HS3ST4: variants seen among roughly 807,000 people sequenced by gnomAD.
The protein encoded by HS3ST4 is heparan sulfate glucosamine 3-O-sulfotransferase 4.
A neutral mutation model predicts 29.2 loss-of-function variants in HS3ST4; 17 were observed. The observed-to-expected ratio is 0.58, with a 90% confidence interval of 0.40 to 0.87. The LOEUF (loss-of-function observed/expected upper bound fraction) is 0.87. HS3ST4 is among the 40% of genes least tolerant of loss of function. The pLI is 0.00. For synonymous variants in HS3ST4, 314 were observed against 285.7 expected (o/e 1.10, Z -1.00); for missense variants, 627 against 634.5 (o/e 0.99, Z 0.13).
chr16:25,877,614 G>C (rs1967846096), intron 1 of HS3ST4, among the ~76,000 whole-genome samples: 1 of 152,152 alleles, frequency 6.6e-6, no homozygotes, highest in African/African-American at 2.4e-5. Context: ...AAATGGCAAG[G>C]GAGGATTCTT....
At chr16:25,877,169 C>T (rs1008897984) in intron 1 of HS3ST4, among the ~76,000 whole-genome samples, 3 of 152,068 alleles carry the variant, frequency 2.0e-5, no homozygotes, top group African/African-American at 7.2e-5. Flanking sequence ...TAACATGGCT[C>T]CTCCTACTCA....
intron 1 of HS3ST4, among the ~76,000 whole-genome samples, chr16:25,828,829 A>G (rs1967264123): frequency 6.6e-6 from 1 of 152,204 alleles, no homozygotes; most frequent in Non-Finnish European, 1.5e-5. Flanking sequence ...CTTTTTTACT[A>G]GTCAGTTTTG....
At chr16:25,918,318 A>G (rs1968313121) in intron 1 of HS3ST4, among the ~76,000 whole-genome samples, 1 of 152,218 alleles carries the variant, frequency 6.6e-6, no homozygotes, top group African/African-American at 2.4e-5. Context: ...ATTATAAAGC[A>G]GATGACATTC....
intron 1 of HS3ST4, among the ~76,000 whole-genome samples, chr16:26,036,496 T>C (rs1337346513): frequency 6.6e-6 from 1 of 152,206 alleles, no homozygotes; most frequent in Non-Finnish European, 1.5e-5. Flanking sequence ...TCCTGGTGTT[T>C]TTCTCACCCA....
intron 1 of HS3ST4, among the ~76,000 whole-genome samples, chr16:25,944,817 T>C (rs1232087455): frequency 2.0e-5 from 3 of 152,172 alleles, no homozygotes; most frequent in Non-Finnish European, 2.9e-5. Flanking sequence ...CAGTCATCAA[T>C]AAAAGCCCCC....
At chr16:25,878,696 A>G (rs1268829328) in intron 1 of HS3ST4, among the ~76,000 whole-genome samples, 2 of 152,146 alleles carry the variant, frequency 1.3e-5, no homozygotes, top group Non-Finnish European at 2.9e-5. Flanking sequence ...ATTTCATGTT[A>G]TGTAATTCAG....
At chr16:25,765,324 C>T (rs1180573278) in intron 1 of HS3ST4, among the ~76,000 whole-genome samples, 1 of 152,166 alleles carries the variant, frequency 6.6e-6, no homozygotes, top group Non-Finnish European at 1.5e-5. Context: ...GGAGACGCCG[C>T]TGGGAAGCCA....
At chr16:25,715,180 G>C (rs1338151647) in intron 1 of HS3ST4, among the ~76,000 whole-genome samples, 1 of 151,804 alleles carries the variant, frequency 6.6e-6, no homozygotes, top group Non-Finnish European at 1.5e-5. Flanking sequence ...AAATTAGCCG[G>C]GCGCGGTGGC....
At chr16:25,782,097 C>T (rs1040333327) in intron 1 of HS3ST4, among the ~76,000 whole-genome samples, 2 of 152,138 alleles carry the variant, frequency 1.3e-5, no homozygotes, top group African/African-American at 4.8e-5. Context: ...ACACCTTCTT[C>T]ACAAGGCGGC....
At chr16:26,048,672 A>C (rs1483287963) in intron 1 of HS3ST4, among the ~76,000 whole-genome samples, 1 of 152,062 alleles carries the variant, frequency 6.6e-6, no homozygotes, top group Admixed American at 6.5e-5. Flanking sequence ...TATTAAAAAT[A>C]ATAATAAAAA....
At chr16:26,038,829 A>T (rs543100770) in intron 1 of HS3ST4, among the ~76,000 whole-genome samples, 6 of 152,170 alleles carry the variant, frequency 3.9e-5, no homozygotes, top group African/African-American at 2.4e-5. Context: ...GACTACAGTC[A>T]TCTGCCACCA....
intron 1 of HS3ST4, among the ~76,000 whole-genome samples, chr16:25,927,162 A>G (rs915793549): frequency 1.4e-4 from 22 of 152,250 alleles, no homozygotes; most frequent in Admixed American, 4.6e-4. Context: ...TTCTTTCCAC[A>G]TTGATTCCTC....
In HS3ST4 at chr16:26,052,347, A is replaced by T. The variant is rs142025708; in HGVS notation, c.735-83265A>T. ...TTCATTCTGAATACTCCAATGTAAAAAAGTTATTCTTATTACTTCTTAATT... is the reference window on the plus strand; with the variant it reads ...TTCATTCTGAATACTCCAATGTAAATAAGTTATTCTTATTACTTCTTAATT... On this transcript the variant is annotated intron_variant, in intron 1 of 1. Coordinates refer to ENST00000331351, the MANE Select transcript of HS3ST4 (RefSeq NM_006040.3). 1.9e-3 allele frequency among the ~76,000 whole-genome samples: 293 copies of T among 152,232 alleles called. 3 individuals carry two copies. The highest frequency in any genetic ancestry group is 6.9e-3 in the African/African-American group (286 of 41,538).
chr16:25,856,870 T>C (rs1967578511), intron 1 of HS3ST4, among the ~76,000 whole-genome samples: 1 of 152,158 alleles, frequency 6.6e-6, no homozygotes, highest in African/African-American at 2.4e-5. Context: ...TCCTGAGTTC[T>C]GTGAGCCATT....
At chr16:25,897,505 G>T (rs761827333) in intron 1 of HS3ST4, among the ~76,000 whole-genome samples, 1 of 152,136 alleles carries the variant, frequency 6.6e-6, no homozygotes, top group Non-Finnish European at 1.5e-5. Context: ...GGACACAGAC[G>T]GGCTGGCTAC....
chr16:25,824,934 C>T (rs1273665850), intron 1 of HS3ST4: 1 of 152,112 alleles, frequency 6.6e-6, no homozygotes, highest in Admixed American at 6.5e-5. Context: ...ACACCCAGAA[C>T]CAGTGAATGT....
intron 1 of HS3ST4, among the ~76,000 whole-genome samples, chr16:26,030,460 G>A (rs1261185906): frequency 1.3e-5 from 2 of 152,176 alleles, no homozygotes; most frequent in African/African-American, 4.8e-5. Context: ...TTAATGATGA[G>A]GTGCAAATAA....
chr16:25,919,387 G>C (rs541890982), intron 1 of HS3ST4, among the ~76,000 whole-genome samples: 20 of 152,128 alleles, frequency 1.3e-4, no homozygotes, highest in African/African-American at 3.9e-4. Context: ...TAGGACATTG[G>C]GGGTGGGGGA....
intron 1 of HS3ST4, among the ~76,000 whole-genome samples, chr16:25,765,183 G>A (rs57780290): frequency 0.012 from 1,894 of 152,278 alleles, 43 homozygotes; most frequent in African/African-American, 0.043. Context: ...TTAAAGTTAT[G>A]TTTTGATCCT....
Sources: allele counts gnomAD v4.1 joint callset (sites outside exome capture counted in the v4.1 genomes callset), GRCh38; gene constraint gnomAD v4.1.1; transcripts MANE v1.5; gene names NCBI Gene and HGNC (gene_info 2026-07-23, HGNC 2026-07-21).